The following STK10 variants were observed in gnomAD, a reference collection of about 807,000 sequenced individuals.
STK10 encodes the protein serine/threonine kinase 10.
In STK10, 78 loss-of-function variants were observed where a neutral mutation model predicts 113.8. The ratio of observed to expected loss-of-function variants is 0.69; its 90% CI spans 0.57 to 0.83. STK10 has a LOEUF of 0.83. STK10 is among the 40% of genes least tolerant of loss of function. The pLI, the probability that STK10 is intolerant of heterozygous loss-of-function variation, is 0.00. For synonymous variants in STK10, 465 were observed against 494.7 expected (o/e 0.94, Z 0.80); for missense variants, 1,109 against 1,280.1 (o/e 0.87, Z 2.04).
At position 172,042,211 on chromosome 5, in the gene STK10, AAGTT is replaced by A. The variant is rs1767388536; in HGVS notation, c.*2667_*2670del. On this transcript the variant is annotated 3_prime_UTR_variant, in exon 19 of 19. Transcript: ENST00000176763. The stretch of plus-strand genomic sequence containing the variant: ...TCTATCTTTCATAAAGGGAAAATAA[AAGTT>A]AGTTACATTTACTCTAAAACCAGAC... 1 of 152,650 alleles carries A rather than the reference AAGTT, an allele frequency of 6.6e-6. No individual in the cohort carries two copies. Among genetic ancestry groups the A allele is most frequent in the Non-Finnish European group, 1.5e-5 (1 of 68,044 alleles). 9.5% of individuals were successfully genotyped at this position (152,650 alleles called of 1,614,324 possible).
At chr5:172,104,787 T>C (rs1290342704) in intron 7 of STK10, among the ~76,000 whole-genome samples, 1 of 152,202 alleles carries the variant, frequency 6.6e-6, no homozygotes, top group African/African-American at 2.4e-5. Flanking sequence ...GCAAACAATA[T>C]GGCTTAGGTG....
At chr5:172,127,875 C>T (rs1769658269) in intron 2 of STK10, among the ~76,000 whole-genome samples, 3 of 152,200 alleles carry the variant, frequency 2.0e-5, no homozygotes, top group South Asian at 2.1e-4. Context: ...CTCCATCTTC[C>T]AGAACCCTGG....
chr5:172,133,761 C>A lies in STK10; in HGVS notation c.322-6340G>T, dbSNP rs192873776. Among the ~76,000 whole-genome samples, 4 of 152,318 alleles carry A rather than the reference C, an allele frequency of 2.6e-5. No homozygotes were observed. Among genetic ancestry groups the A allele is most frequent in the South Asian group, 2.1e-4 (1 of 4,826 alleles). On this transcript the variant is annotated intron_variant, in intron 2 of 18. Transcript: ENST00000176763. The surrounding 1 kb of genome is among the most constrained non-coding windows in gnomAD (Gnocchi z 4.9). Reference sequence around the variant, plus strand: ...TGACTTTTTAGGCAGAATATGCAAACGAATTAATTTCTGCGCTGTTTAGTA... The same window carrying A: ...TGACTTTTTAGGCAGAATATGCAAAAGAATTAATTTCTGCGCTGTTTAGTA...
intron 1 of STK10, among the ~76,000 whole-genome samples, chr5:172,171,772 G>A (rs1434935821): frequency 3.1e-5 from 3 of 96,134 alleles, no homozygotes; most frequent in African/African-American, 1.3e-4. Context: ...GCTGGGTCCA[G>A]AGTGAAAGTC....
chr5:172,131,932 G>C (rs542107747), intron 2 of STK10, among the ~76,000 whole-genome samples: 1 of 152,276 alleles, frequency 6.6e-6, no homozygotes, highest in Admixed American at 6.5e-5. Flanking sequence ...ATTATAAAAG[G>C]GCTAGAGGCT....
At chr5:172,086,795 G>A (rs532221000) in intron 10 of STK10, among the ~76,000 whole-genome samples, 8 of 152,270 alleles carry the variant, frequency 5.3e-5, no homozygotes, top group African/African-American at 1.4e-4. Flanking sequence ...GAAAATCCCG[G>A]TTCCTGCCGA....
At chr5:172,168,701 G>T (rs1770613842) in intron 1 of STK10, among the ~76,000 whole-genome samples, 1 of 152,186 alleles carries the variant, frequency 6.6e-6, no homozygotes, top group South Asian at 2.1e-4. Flanking sequence ...CCCAGGCAGA[G>T]AAACTGACTT....
intron 1 of STK10, among the ~76,000 whole-genome samples, chr5:172,181,240 C>G (rs1187411904): frequency 6.6e-6 from 1 of 152,184 alleles, no homozygotes; most frequent in Non-Finnish European, 1.5e-5. Context: ...GTGCGTATTT[C>G]TTCTCCACGT....
chr5:172,048,352 C>G (rs139106093), intron 18 of STK10, among the ~76,000 whole-genome samples: 118 of 151,232 alleles, frequency 7.8e-4, no homozygotes, highest in African/African-American at 2.8e-3. Flanking sequence ...GACTTACCAG[C>G]CCCCACAATC....
At chr5:172,091,270 G>T (rs1422381755) in intron 9 of STK10, among the ~76,000 whole-genome samples, 1 of 152,136 alleles carries the variant, frequency 6.6e-6, no homozygotes, top group Non-Finnish European at 1.5e-5. Flanking sequence ...TTTTATAACT[G>T]GTTTGGTAGC....
intron 1 of STK10, among the ~76,000 whole-genome samples, chr5:172,161,469 A>T (rs1049449864): frequency 6.6e-6 from 1 of 152,080 alleles, no homozygotes; most frequent in Non-Finnish European, 1.5e-5. Flanking sequence ...AAAAAATAAA[A>T]AAATACTGAG....
At chr5:172,128,270 A>C (rs951253749) in intron 2 of STK10, among the ~76,000 whole-genome samples, 5 of 141,204 alleles carry the variant, frequency 3.5e-5, no homozygotes, top group Admixed American at 7.2e-5. Flanking sequence ...GCCCTGGTTC[A>C]CTCCCATTCT....
rs377387017 is a variant in STK10, at chr5:172,093,968, AAT to A, written c.1006-10_1006-9del. The A allele has an allele frequency of 3.6e-3, 4,868 of 1,337,882 alleles. No individual in the cohort carries two copies. The highest frequency in any genetic ancestry group is 5.1e-3 in the Admixed American group (196 of 38,798). The allele number at this position is 1,337,882 out of a possible 1,614,324, so 82.9% of individuals were successfully genotyped here. ...AGTATGGTTCTCCAGGGTCTAGAAA[AAT>A]ATATATATATATATTAAAGGCCATG... is the stretch of plus-strand genomic sequence containing the variant. On this transcript the variant is annotated splice_polypyrimidine_tract_variant and intron_variant, in intron 8 of 18. Transcript: ENST00000176763. The surrounding 1 kb of genome is among the most constrained non-coding windows in gnomAD (Gnocchi z 4.1).
chr5:172,084,458 A>C (rs1768507372), intron 10 of STK10, among the ~76,000 whole-genome samples: 1 of 151,756 alleles, frequency 6.6e-6, no homozygotes. Flanking sequence ...AGTAATCTCT[A>C]GGTAAAAAAA....
intron 1 of STK10, among the ~76,000 whole-genome samples, chr5:172,170,985 C>T (rs913058461): frequency 6.6e-6 from 1 of 152,146 alleles, no homozygotes; most frequent in Non-Finnish European, 1.5e-5. Flanking sequence ...ACCTATGCCC[C>T]CTGCCTGCAT....
chr5:172,090,892 G>A lies in STK10; in HGVS notation c.1555-530C>T, dbSNP rs562483737. 1.4e-4 allele frequency among the ~76,000 whole-genome samples: 18 copies of A among 128,046 alleles called. No homozygotes were observed. The South Asian group carries it at 3.7e-3, about 27-fold the overall frequency. The allele number at this position is 128,046 out of a possible 152,430, so 84.0% of individuals were successfully genotyped here. A position where few individuals can be genotyped will look rare whatever the true frequency, so the allele number is the denominator to read the frequency against. On this transcript the variant is annotated intron_variant, in intron 9 of 18. Coordinates refer to ENST00000176763, the MANE Select transcript of STK10 (RefSeq NM_005990.4). ...GGAGTTTGCAGAGAGCTTAGATCAC[G>A]CCACTGCACTCCAGCCTGGGCCATA...
At chr5:172,141,803 G>T (rs1368561036) in intron 2 of STK10, among the ~76,000 whole-genome samples, 1 of 152,062 alleles carries the variant, frequency 6.6e-6, no homozygotes, top group Non-Finnish European at 1.5e-5. Context: ...GCCTGTAATC[G>T]CCGGCTTTCT....
intron 1 of STK10, among the ~76,000 whole-genome samples, chr5:172,167,532 G>A (rs966742767): frequency 4.6e-5 from 7 of 152,164 alleles, no homozygotes; most frequent in African/African-American, 1.2e-4. Context: ...GGGTCCCAGC[G>A]AGGGCAGACT....
chr5:172,051,601 G>T (rs568719315), intron 18 of STK10, among the ~76,000 whole-genome samples: 1 of 152,160 alleles, frequency 6.6e-6, no homozygotes, highest in Non-Finnish European at 1.5e-5. Flanking sequence ...CTCCAGCCTT[G>T]GGCGAAAGAG....
Sources: gnomAD v4.1 joint callset for allele counts (sites outside exome capture counted in the v4.1 genomes callset) on GRCh38, gnomAD v4.1.1 for gene constraint, Gnocchi (gnomAD v3.1) non-coding constraint, MANE v1.5 for transcripts, NCBI Gene and HGNC (gene_info 2026-07-23, HGNC 2026-07-21) for gene names.